NLRP11: variants seen among roughly 807,000 people sequenced by gnomAD.
NLRP11 encodes the protein NACHT, LRR and PYD domains-containing protein 11.
In NLRP11, 53 loss-of-function variants were observed where a neutral mutation model predicts 79.3. The ratio of observed to expected loss-of-function variants is 0.67; its 90% confidence interval spans 0.54 to 0.84. The LOEUF is 0.84. Ranked by LOEUF, NLRP11 falls within the 40% of genes least tolerant of loss-of-function variation. NLRP11 has a pLI of 0.00. For missense variants in NLRP11, 1,264 were observed against 1,255.0 expected (o/e 1.01, Z -0.11); for synonymous variants, 518 against 462.6 (o/e 1.12, Z -1.54).
chr19:55,789,160 A>G, intron 8 of NLRP11, 69 bp downstream of exon 8: 1 of 1,495,698 alleles, frequency 6.7e-7, no homozygotes. Flanking sequence ...TTCCCAATCC[A>G]CTTCCTCTTG....
At position 55,809,192 on chromosome 19, in the gene NLRP11, G is replaced by A. The variant is rs757842969; in HGVS notation, c.1418C>T (p.Ser473Leu). 8.2e-5 allele frequency: 132 copies of A among 1,613,492 alleles called. 9 individuals carry two copies. The South Asian group carries it at 1.4e-3, about 17-fold the overall frequency. ...CTTCTCTTTATACTCTCTGCTGCCT[G>A]AGGGGATCAGATAGTTGGGTACTGC... is the stretch of plus-strand genomic sequence containing the variant. Residue 473 changes from serine to leucine, a missense_variant, in exon 3 of 10, where the codon TCA becomes TTA. Transcript: ENST00000589093. This position sits in a 1 kb window ranked among gnomAD's most constrained non-coding sequence, Gnocchi z 4.5.
intron 2 of NLRP11, among the ~76,000 whole-genome samples, chr19:55,817,405 A>G (rs919437034): frequency 2.0e-5 from 3 of 152,160 alleles, no homozygotes; most frequent in African/African-American, 7.2e-5. Context: ...AATTGCAAAA[A>G]TATGGAACCA....
rs1374506786 is a variant in NLRP11 at position 55,792,399 on chromosome 19, T to C, written c.2415A>G (p.Leu805=). The change falls in exon 7 of 10, where the codon CTA becomes CTG. Residue 805 remains leucine (L), a synonymous_variant. Transcript: ENST00000589093. ...GATTCACACACAGGTCTAGTTGTCT[T>C]AGAGTTGGGCTGAACAGAAGCACTC... 9 of 1,614,114 alleles carry C rather than the reference T, an allele frequency of 5.6e-6. No individual in the cohort carries two copies. In the East Asian group the frequency reaches 1.8e-4, roughly 32 times the overall value.
At chr19:55,785,712 A>C in exon 10 of NLRP11, 4 of 1,614,070 alleles carry the variant, frequency 2.5e-6, no homozygotes, top group Non-Finnish European at 3.4e-6. Flanking sequence ...CCAAATTAGA[A>C]TTAGGTATTA....
rs1343400168 is a variant in NLRP11 at position 55,798,014 on chromosome 19, G to T, written c.2172-1764C>A. Among the ~76,000 whole-genome samples the T allele has an allele frequency of 8.3e-4, 77 of 93,074 alleles. 1 individual carries two copies. The highest frequency in any genetic ancestry group is 1.8e-3 in the African/African-American group (50 of 27,618). 61.1% of individuals were successfully genotyped at this position (93,074 alleles called of 152,430 possible). On this transcript the variant is annotated intron_variant, in intron 5 of 9. Transcript: ENST00000589093. ...TATTATTATTATTTTTTTTTTTTTT[G>T]AGATGGAGTTTTGCCCTTGTCACCC...
In NLRP11 at chr19:55,810,347, G is replaced by C; in HGVS notation, c.272-9C>G. On this transcript the variant is annotated splice_polypyrimidine_tract_variant and intron_variant, in intron 2 of 9. Transcript: ENST00000589093. ...GCATGCCTCCTGATTGCCTAATCCA[G>C]CGAGTACAGGGCAGAAAATACAGAA... 2 of 1,598,962 alleles carry C rather than the reference G, an allele frequency of 1.3e-6. No homozygotes were observed. The highest frequency in any genetic ancestry group is 1.7e-6 in the Non-Finnish European group (2 of 1,171,216).
chr19:55,834,255 C>CAAACCACTTTTTCAGA (rs1354878804), upstream of NLRP11, among the ~76,000 whole-genome samples: 2 of 152,002 alleles, frequency 1.3e-5, no homozygotes, highest in East Asian at 3.9e-4. Flanking sequence ...CATAACTGAC[C>CAAACCACTTTTTCAGA]AAACCACTTT....
chr19:55,823,375 C>A (rs1372071200), intron 1 of NLRP11, among the ~76,000 whole-genome samples: 2 of 136,228 alleles, frequency 1.5e-5, no homozygotes, highest in Non-Finnish European at 3.1e-5. Context: ...TCCAAAGGAA[C>A]GCAGTTCCTC....
At chr19:55,822,471 CG>C (rs1211466705) in intron 1 of NLRP11, among the ~76,000 whole-genome samples, 2 of 152,110 alleles carry the variant, frequency 1.3e-5, no homozygotes, top group Non-Finnish European at 2.9e-5. Flanking sequence ...ACGCAGAAGA[CG>C]GGTGATTTCC....
chr19:55,830,598 T>TAAAAAAAAAAAAAAAA (rs201476127), intron 1 of NLRP11, among the ~76,000 whole-genome samples: 68 of 129,144 alleles, frequency 5.3e-4, no homozygotes, highest in Admixed American at 3.9e-3. Context: ...CTTAGCTTCC[T>TAAAAAAAAAAAAAAAA]AAAAAAAAAA....
intron 7 of NLRP11, among the ~76,000 whole-genome samples, chr19:55,790,219 T>C (rs948212743): frequency 6.6e-6 from 1 of 152,214 alleles, no homozygotes; most frequent in Non-Finnish European, 1.5e-5. Flanking sequence ...TAAAAAAGTT[T>C]CCATAGCAGT....
chr19:55,803,297 A>G (rs1979662104), intron 4 of NLRP11, among the ~76,000 whole-genome samples: 6 of 152,178 alleles, frequency 3.9e-5, no homozygotes, highest in Admixed American at 3.9e-4. Flanking sequence ...CAGTGAGCCG[A>G]GATCATGCCA....
At chr19:55,822,503 G>A (rs867696704) in intron 1 of NLRP11, among the ~76,000 whole-genome samples, 4 of 152,094 alleles carry the variant, frequency 2.6e-5, no homozygotes, top group Non-Finnish European at 4.4e-5. Context: ...CTGAGGTACC[G>A]GGTTCATCTC....
At chr19:55,819,904 A>G (rs1981516220) in intron 1 of NLRP11, among the ~76,000 whole-genome samples, 1 of 152,174 alleles carries the variant, frequency 6.6e-6, no homozygotes, top group South Asian at 2.1e-4. Flanking sequence ...CAGACCTCAT[A>G]TACCAGGTAC....
chr19:55,799,245 T>G (rs1979239500), intron 5 of NLRP11, among the ~76,000 whole-genome samples: 1 of 151,856 alleles, frequency 6.6e-6, no homozygotes, highest in Non-Finnish European at 1.5e-5. Context: ...CCAGCCTAGG[T>G]GACAGCAAGA....
At chr19:55,827,332 G>T (rs1022921077) in intron 1 of NLRP11, among the ~76,000 whole-genome samples, 7 of 148,540 alleles carry the variant, frequency 4.7e-5, no homozygotes, top group South Asian at 4.2e-4. Context: ...ACCTAGGCAT[G>T]ACCATTCAGG....
At chr19:55,795,770 G>C (rs1178714940) in intron 6 of NLRP11, among the ~76,000 whole-genome samples, 3 of 152,048 alleles carry the variant, frequency 2.0e-5, no homozygotes, top group Non-Finnish European at 4.4e-5. Context: ...TTACAGGCGT[G>C]AGCCACCGCG....
At chr19:55,785,907 A>G in intron 9 of NLRP11, 36 bp from the exon 10 acceptor site, 2 of 1,594,114 alleles carry the variant, frequency 1.3e-6, no homozygotes. Context: ...CGTTAATGCT[A>G]CATGTGAGGT....
At chr19:55,799,321 G>A (rs1979246927) in intron 5 of NLRP11, among the ~76,000 whole-genome samples, 1 of 152,132 alleles carries the variant, frequency 6.6e-6, no homozygotes, top group South Asian at 2.1e-4. Flanking sequence ...CTGAAACCAG[G>A]AGAAATGTTT....
Sources: gnomAD v4.1 joint callset for allele counts (sites outside exome capture counted in the v4.1 genomes callset) on GRCh38, gnomAD v4.1.1 for gene constraint, Gnocchi (gnomAD v3.1) non-coding constraint, MANE v1.5 for transcripts, NCBI Gene and HGNC (gene_info 2026-07-23, HGNC 2026-07-21) for gene names.